Variants in CPED1 observed in about 807,000 individuals in gnomAD.
CPED1 encodes cadherin like and PC-esterase domain containing 1.
Under a neutral mutation model 128.2 loss-of-function variants are expected in CPED1, and 114 were observed. That is an observed-to-expected ratio of 0.89 (90% CI 0.76 to 1.04). The LOEUF is 1.04. CPED1 is among the 50% of genes least tolerant of loss of function. The probability of loss-of-function intolerance (pLI) is 0.00; values close to 1 mark genes in which losing one functional copy is unlikely to be tolerated. For missense variants in CPED1, 1,211 were observed against 1,207.1 expected, an observed-to-expected ratio of 1.00 and a Z score of -0.05; for synonymous variants, 462 against 426.7, an observed-to-expected ratio of 1.08 and a Z score of -1.02.
chr7:121,288,364 A>C (rs1792626949), intron 22 of CPED1, among the ~76,000 whole-genome samples: 4 of 152,204 alleles, frequency 2.6e-5, no homozygotes, highest in Admixed American at 2.6e-4. Context: ...GAAGGGTTCC[A>C]TTTTGAAGAA....
chr7:121,154,424 T>C (rs1796233400), intron 16 of CPED1, among the ~76,000 whole-genome samples: 1 of 152,226 alleles, frequency 6.6e-6, no homozygotes, highest in Admixed American at 6.5e-5. Context: ...ATGTTAGCTG[T>C]GGGCTTGTCA....
chr7:121,226,407 T>A (rs1798014761), intron 16 of CPED1, among the ~76,000 whole-genome samples: 3 of 152,206 alleles, frequency 2.0e-5, no homozygotes, highest in Non-Finnish European at 4.4e-5. Flanking sequence ...TTGGAATGGA[T>A]GTCCTCCACA....
intron 5 of CPED1, among the ~76,000 whole-genome samples, chr7:121,088,976 C>T (rs1794513870): frequency 6.6e-6 from 1 of 151,950 alleles, no homozygotes; most frequent in South Asian, 2.1e-4. Flanking sequence ...ATTGAGACAC[C>T]ATTTCAGAAA....
rs114581139 is a variant in CPED1 at position 120,997,236 on chromosome 7, A to T, written c.249+7366A>T. The stretch of plus-strand genomic sequence containing the variant: ...CCTAATAAAACTTATGTTTCATTGT[A>T]ACTATTTATAAATGAAGGAACATTA... On this transcript the variant is annotated intron_variant, in intron 2 of 22. Transcript: ENST00000310396. Among the ~76,000 whole-genome samples the T allele has an allele frequency of 7.3e-3, 1,107 of 152,358 alleles. 21 individuals are homozygous for T. Among genetic ancestry groups the T allele is most frequent in the African/African-American group, 0.025 (1,048 of 41,586 alleles).
chr7:121,064,444 C>T (rs1793772827), intron 5 of CPED1, 131 bp downstream of exon 5: 1 of 640,432 alleles, frequency 1.6e-6, no homozygotes, highest in African/African-American at 1.8e-5. Context: ...CACAGATCTT[C>T]CGCAGTTCAC....
intron 16 of CPED1, among the ~76,000 whole-genome samples, chr7:121,143,532 G>T (rs1044461706): frequency 2.0e-5 from 3 of 151,906 alleles, no homozygotes; most frequent in African/African-American, 7.2e-5. Context: ...TATTTGGATT[G>T]CTGTCTCAAC....
At chr7:121,129,998 G>C in intron 11 of CPED1, 127 bp from the exon 12 acceptor site, 1 of 787,606 alleles carries the variant, frequency 1.3e-6, no homozygotes, top group Non-Finnish European at 2.0e-6. Flanking sequence ...CTAATTTATG[G>C]TACTGACCAA....
At chr7:121,210,745 G>A (rs770728115) in intron 16 of CPED1, among the ~76,000 whole-genome samples, 2 of 151,868 alleles carry the variant, frequency 1.3e-5, no homozygotes, top group Non-Finnish European at 2.9e-5. Flanking sequence ...GTATTTGATA[G>A]CACGAGAGTG....
At chr7:121,146,168 G>C (rs913876372) in intron 16 of CPED1, among the ~76,000 whole-genome samples, 1 of 152,088 alleles carries the variant, frequency 6.6e-6, no homozygotes, top group African/African-American at 2.4e-5. Context: ...ACCGGCCTTT[G>C]GTGTCTGGTG....
intron 16 of CPED1, among the ~76,000 whole-genome samples, chr7:121,143,601 AC>A (rs1358164257): frequency 1.3e-5 from 2 of 152,018 alleles, no homozygotes; most frequent in Non-Finnish European, 2.9e-5. Flanking sequence ...AAAAAAATAA[AC>A]AAAAACTTAG....
At chr7:121,029,164 A>G (rs755098661) in intron 3 of CPED1, among the ~76,000 whole-genome samples, 25 of 152,156 alleles carry the variant, frequency 1.6e-4, no homozygotes, top group Admixed American at 1.3e-4. Flanking sequence ...CAATCATAAC[A>G]TTATTATATG....
At chr7:121,155,914 C>G (rs1796272645) in intron 16 of CPED1, among the ~76,000 whole-genome samples, 3 of 151,918 alleles carry the variant, frequency 2.0e-5, no homozygotes, top group Admixed American at 2.0e-4. Flanking sequence ...GAAGAGATAA[C>G]CTAAAAAATG....
intron 16 of CPED1, among the ~76,000 whole-genome samples, chr7:121,169,613 A>C (rs1286725242): frequency 6.6e-6 from 1 of 152,210 alleles, no homozygotes; most frequent in Admixed American, 6.5e-5. Context: ...ACTAATGGCT[A>C]AACTTTTAAA....
At chr7:121,103,651 A>G (rs574653231) in intron 7 of CPED1, among the ~76,000 whole-genome samples, 1 of 152,202 alleles carries the variant, frequency 6.6e-6, no homozygotes, top group Admixed American at 6.6e-5. Flanking sequence ...CACTGTCCTT[A>G]AATTCCACAA....
At chr7:121,151,082 T>C (rs1309234406) in intron 16 of CPED1, among the ~76,000 whole-genome samples, 1 of 152,166 alleles carries the variant, frequency 6.6e-6, no homozygotes, top group African/African-American at 2.4e-5. Context: ...TTTTAAAGGA[T>C]ATTTTTGGCT....
At chr7:121,128,606 A>G (rs1319265208) in intron 11 of CPED1, 120 bp downstream of exon 11, 8 of 618,066 alleles carry the variant, frequency 1.3e-5, no homozygotes, top group African/African-American at 1.1e-4. Flanking sequence ...AGAAATCTTT[A>G]TAAGCTACTT....
intron 16 of CPED1, among the ~76,000 whole-genome samples, chr7:121,146,578 A>G (rs953345239): frequency 1.3e-5 from 2 of 152,184 alleles, no homozygotes; most frequent in Non-Finnish European, 2.9e-5. Context: ...AAAGACTAGC[A>G]TGGCAGAGTA....
At position 121,097,856 on chromosome 7, in the gene CPED1, A is replaced by G. The variant is rs759365138; in HGVS notation, c.749+25A>G. The G allele has an allele frequency of 2.0e-5, 33 of 1,612,342 alleles. No homozygotes were observed. The East Asian group carries it at 4.5e-4, about 22-fold the overall frequency. On this transcript the variant is annotated intron_variant, in intron 6 of 22. Coordinates refer to ENST00000310396, the MANE Select transcript of CPED1 (RefSeq NM_024913.5). ...TGTAAGCTAATCATTTTGAATTGTT[A>G]TAACCAGCATGCATTGTAGGAGACA...
intron 16 of CPED1, among the ~76,000 whole-genome samples, chr7:121,182,150 GTAACAT>G (rs1796909483): frequency 6.7e-6 from 1 of 148,422 alleles, no homozygotes; most frequent in Admixed American, 6.7e-5. Flanking sequence ...AAAAGCTATG[GTAACAT>G]TAGAATATGT....
Sources: gnomAD v4.1 joint callset for allele counts (sites outside exome capture counted in the v4.1 genomes callset) on GRCh38, gnomAD v4.1.1 for gene constraint, MANE v1.5 for transcripts, NCBI Gene and HGNC (gene_info 2026-07-23, HGNC 2026-07-21) for gene names.